The following ARHGAP1 variants were observed in gnomAD, a reference collection of about 807,000 sequenced individuals.
The protein encoded by ARHGAP1 is rho GTPase-activating protein 1.
Under a neutral mutation model 52.2 loss-of-function variants are expected in ARHGAP1, and 23 were observed. That is an observed-to-expected ratio of 0.44 (90% CI 0.32 to 0.62). The LOEUF is 0.62. ARHGAP1 is among the 20% of genes least tolerant of loss of function. The pLI, the probability that ARHGAP1 is intolerant of heterozygous loss-of-function variation, is 0.05. For synonymous variants in ARHGAP1, 210 were observed against 228.4 expected (o/e 0.92, Z 0.73); for missense variants, 480 against 560.9 (o/e 0.86, Z 1.46).
chr11:46,681,996 C>T lies in ARHGAP1; in HGVS notation c.449+55G>A. 6.2e-7 allele frequency: 1 copy of T among 1,606,778 alleles called. No homozygotes were observed. Among genetic ancestry groups the T allele is most frequent in the Non-Finnish European group, 8.5e-7 (1 of 1,175,772 alleles). On this transcript the variant is annotated intron_variant, in intron 5 of 12. Transcript: ENST00000311956. This position sits in a 1 kb window ranked among gnomAD's most constrained non-coding sequence, Gnocchi z 5.7. Reference sequence around the variant, plus strand: ...GCCCAAGTGGAGGGCAGCCCGGAAGCTGGCAGAGCCGCTGCCTCTGGATCT... The same window carrying T: ...GCCCAAGTGGAGGGCAGCCCGGAAGTTGGCAGAGCCGCTGCCTCTGGATCT...
Position 46,680,948 on chromosome 11 carries a change from A to T in ARHGAP1, c.635+63T>A. ...CTGCCTAAGCCCCACGCGGTCTCTGAATCAGGACACACGTCCTCATTACCC... is the reference window on the plus strand; with the variant it reads ...CTGCCTAAGCCCCACGCGGTCTCTGTATCAGGACACACGTCCTCATTACCC... On this transcript the variant is annotated intron_variant, in intron 7 of 12. Coordinates refer to ENST00000311956, the MANE Select transcript of ARHGAP1 (RefSeq NM_004308.5). This position sits in a 1 kb window ranked among gnomAD's most constrained non-coding sequence, Gnocchi z 5.9. The T allele has an allele frequency of 6.7e-7, 1 of 1,484,382 alleles. No individual in the cohort carries two copies. The highest frequency in any genetic ancestry group is 9.4e-7 in the Non-Finnish European group (1 of 1,068,414). The allele number at this position is 1,484,382 out of a possible 1,614,324, so 92.0% of individuals were successfully genotyped here. A position where few individuals can be genotyped will look rare whatever the true frequency, so the allele number is the denominator to read the frequency against.
Position 46,682,740 on chromosome 11 carries a change from A to AGACCAG in ARHGAP1, c.318-564_318-559dup, listed in dbSNP as rs544805553. ...TCTTGAGCAGGAACTAGATGTCAGG[A>AGACCAG]GACCAGGACCCTAACCCGGGCCTGC... On this transcript the variant is annotated intron_variant, in intron 4 of 12. Coordinates refer to ENST00000311956, the MANE Select transcript of ARHGAP1 (RefSeq NM_004308.5). 1.4e-3 allele frequency among the ~76,000 whole-genome samples: 208 copies of AGACCAG among 152,332 alleles called. 3 individuals carry two copies. In the East Asian group the frequency reaches 0.031, roughly 23 times the overall value.
rs1282554278 is a variant in ARHGAP1 at position 46,681,808 on chromosome 11, A to G, written c.449+243T>C. ...GGGCCATCACTGTCTCATTTTACAG[A>G]TTAGAAAACAGGAGGCTCAAAGAGG... is the stretch of plus-strand genomic sequence containing the variant. On this transcript the variant is annotated intron_variant, in intron 5 of 12. Coordinates refer to ENST00000311956, the MANE Select transcript of ARHGAP1 (RefSeq NM_004308.5). This position sits in a 1 kb window ranked among gnomAD's most constrained non-coding sequence, Gnocchi z 5.7. 6.6e-6 allele frequency among the ~76,000 whole-genome samples: 1 copy of G among 152,200 alleles called. No individual in the cohort carries two copies. The highest frequency in any genetic ancestry group is 2.4e-5 in the African/African-American group (1 of 41,440).
intron 3 of ARHGAP1, among the ~76,000 whole-genome samples, chr11:46,692,057 G>A (rs1205201728): frequency 2.6e-5 from 4 of 152,216 alleles, no homozygotes; most frequent in Admixed American, 6.5e-5. Context: ...TGAAGGACCA[G>A]GTGGTACCTG....
chr11:46,694,032 A>C (rs1156407611), intron 3 of ARHGAP1, among the ~76,000 whole-genome samples: 1 of 152,010 alleles, frequency 6.6e-6, no homozygotes, highest in Non-Finnish European at 1.5e-5. Flanking sequence ...CCTTCCTACA[A>C]GGGCTTCTCC....
intron 1 of ARHGAP1, among the ~76,000 whole-genome samples, chr11:46,698,135 A>T (rs774691549): frequency 6.6e-6 from 1 of 152,228 alleles, no homozygotes; most frequent in East Asian, 1.9e-4. Flanking sequence ...ATGAGGTAGT[A>T]TGGAGAGCTG....
In ARHGAP1 at chr11:46,681,085, G is replaced by A. The variant is rs2064522917; in HGVS notation, c.561C>T (p.Phe187=). The part of the protein sequence containing the change: ...LISFKFGQKI[F]YVNYLSELSE... ...TCAGCTCGCTCAGGTAATTCACATA[G>A]AAGATCTTCTGCCCGAACTTGAAGC... Residue 187 remains phenylalanine, a synonymous_variant, in exon 7 of 13, where the codon TTC becomes TTT. Coordinates refer to ENST00000311956, the MANE Select transcript of ARHGAP1 (RefSeq NM_004308.5). This position sits in a 1 kb window ranked among gnomAD's most constrained non-coding sequence, Gnocchi z 5.7. 2 of 1,614,150 alleles carry A rather than the reference G, an allele frequency of 1.2e-6. No homozygotes were observed. The highest frequency in any genetic ancestry group is 1.7e-6 in the Non-Finnish European group (2 of 1,180,032).
intron 4 of ARHGAP1, among the ~76,000 whole-genome samples, chr11:46,683,132 AG>A (rs35885196): frequency 0.12 from 17,390 of 140,162 alleles, 1,804 homozygotes; most frequent in East Asian, 0.57. Context: ...TTGACCTCCC[AG>A]GCTTAAGCTA....
intron 2 of ARHGAP1, 34 bp from the exon 3 acceptor site, chr11:46,695,789 G>C: frequency 1.3e-6 from 2 of 1,553,666 alleles, no homozygotes; most frequent in Non-Finnish European, 1.7e-6. Context: ...GGACAAGCCA[G>C]GGGGCTGGCA....
Position 46,681,170 on chromosome 11 carries a change from C to T in ARHGAP1, c.537-61G>A, listed in dbSNP as rs575119488. The T allele has an allele frequency of 1.9e-6, 3 of 1,547,596 alleles. No homozygotes were observed. In the African/African-American group the frequency reaches 4.1e-5, roughly 21 times the overall value. On this transcript the variant is annotated intron_variant, in intron 6 of 12. Transcript: ENST00000311956. The surrounding 1 kb of genome is among the most constrained non-coding windows in gnomAD (Gnocchi z 5.7). ...CCGCTTCCGGTGGCCTCCACTCTCC[C>T]CTCAACACCCACCCAGTTCAGACGG...
chr11:46,684,678 C>T (rs988756129), intron 4 of ARHGAP1, among the ~76,000 whole-genome samples: 1 of 152,194 alleles, frequency 6.6e-6, no homozygotes, highest in Non-Finnish European at 1.5e-5. Flanking sequence ...TTTGAAAATT[C>T]ACACAGTACG....
In ARHGAP1 at chr11:46,695,682, C is replaced by G. The variant is rs1565690647; in HGVS notation, c.207G>C (p.Arg69=). ...TACCTGCCACCTCCACGATCTGGTG[C>G]CGGGCGATGTCATAGTATGGGTCAT... ...KWDDPYYDIA[R]HQIVEVAGDD... Residue 69 remains arginine (R), a synonymous_variant, in exon 3 of 13, where the codon CGG becomes CGC. Transcript: ENST00000311956. 5.2e-6 allele frequency: 8 copies of G among 1,551,868 alleles called. No homozygotes were observed. Among genetic ancestry groups the G allele is most frequent in the Non-Finnish European group, 6.1e-6 (7 of 1,147,044 alleles).
rs1031779163 is a variant in ARHGAP1, at chr11:46,683,854, G to A, written c.318-1672C>T. ...GGGGTTTCTCCATGTTCGTCAGGCT[G>A]GTCTCCAACTCCCAACCTCAGGTGA... On this transcript the variant is annotated intron_variant, in intron 4 of 12. Coordinates refer to ENST00000311956, the MANE Select transcript of ARHGAP1 (RefSeq NM_004308.5). 6.6e-5 allele frequency among the ~76,000 whole-genome samples: 10 copies of A among 152,150 alleles called. No individual in the cohort carries two copies. In the East Asian group the frequency reaches 1.7e-3, roughly 26 times the overall value.
chr11:46,694,446 C>T lies in ARHGAP1; in HGVS notation c.229+1214G>A, dbSNP rs183671215. ...GGACGGACACCTACCTGGCTGGGCCCCCTCAGGCTCATCGTAGTCTAGGGA... is the reference window on the plus strand; with the variant it reads ...GGACGGACACCTACCTGGCTGGGCCTCCTCAGGCTCATCGTAGTCTAGGGA... On this transcript the variant is annotated intron_variant, in intron 3 of 12. Coordinates refer to ENST00000311956, the MANE Select transcript of ARHGAP1 (RefSeq NM_004308.5). 4.2e-3 allele frequency among the ~76,000 whole-genome samples: 634 copies of T among 152,196 alleles called. 3 individuals are homozygous for T. The highest frequency in any genetic ancestry group is 0.013 in the African/African-American group (532 of 41,530).
intron 1 of ARHGAP1, among the ~76,000 whole-genome samples, chr11:46,699,192 A>G (rs1025097375): frequency 2.6e-5 from 4 of 152,228 alleles, no homozygotes; most frequent in Non-Finnish European, 5.9e-5. Context: ...ACCTTCTGAG[A>G]ATCACTGTTT....
chr11:46,679,535 G>A lies in ARHGAP1; in HGVS notation c.1028-67C>T. 6.2e-7 allele frequency: 1 copy of A among 1,606,406 alleles called. No homozygotes were observed. The highest frequency in any genetic ancestry group is 8.5e-7 in the Non-Finnish European group (1 of 1,174,568). On this transcript the variant is annotated intron_variant, in intron 11 of 12. Transcript: ENST00000311956. The surrounding 1 kb of genome is among the most constrained non-coding windows in gnomAD (Gnocchi z 4.4). ...GGCTGGTTCAGGACGCTCTGATGCA[G>A]GCTAGAGGGGAGACCCCCAGCAGTC...
chr11:46,680,848 A>C lies in ARHGAP1; in HGVS notation c.636-101T>G. On this transcript the variant is annotated intron_variant, in intron 7 of 12. Transcript: ENST00000311956. This position sits in a 1 kb window ranked among gnomAD's most constrained non-coding sequence, Gnocchi z 5.9. ...CACGCGGGGTCAGGAGGATCATCTC[A>C]TGCGATCTCTGTAACAACTCCGCTT... is the stretch of plus-strand genomic sequence containing the variant. 9.2e-7 allele frequency: 1 copy of C among 1,088,770 alleles called. No individual in the cohort carries two copies. Among genetic ancestry groups the C allele is most frequent in the African/African-American group, 1.6e-5 (1 of 63,834 alleles). 67.4% of individuals were successfully genotyped at this position (1,088,770 alleles called of 1,614,324 possible). A position where few individuals can be genotyped will look rare whatever the true frequency, so the allele number is the denominator to read the frequency against.
At chr11:46,695,916 G>A in intron 2 of ARHGAP1, 59 bp downstream of exon 2, 1 of 1,612,380 alleles carries the variant, frequency 6.2e-7, no homozygotes, top group South Asian at 1.1e-5. Context: ...CCCTTCAGCA[G>A]AAGGAGTGCT....
rs1356726204 is a variant in ARHGAP1 at position 46,680,792 on chromosome 11, A to T, written c.636-45T>A. The T allele has an allele frequency of 3.6e-6, 5 of 1,404,118 alleles. No individual in the cohort carries two copies. The African/African-American group carries it at 7.2e-5, about 20-fold the overall frequency. 87.0% of individuals were successfully genotyped at this position (1,404,118 alleles called of 1,614,324 possible). A position where few individuals can be genotyped will look rare whatever the true frequency, so the allele number is the denominator to read the frequency against. On this transcript the variant is annotated intron_variant, in intron 7 of 12. Coordinates refer to ENST00000311956, the MANE Select transcript of ARHGAP1 (RefSeq NM_004308.5). This position sits in a 1 kb window ranked among gnomAD's most constrained non-coding sequence, Gnocchi z 5.9. ...TGGGTCAGGTCCTGCCTGGCTCTGGAGTCACTCTGCCAATTCAATCAAGCA... is the reference window on the plus strand; with the variant it reads ...TGGGTCAGGTCCTGCCTGGCTCTGGTGTCACTCTGCCAATTCAATCAAGCA...
Sources: allele counts gnomAD v4.1 joint callset (sites outside exome capture counted in the v4.1 genomes callset), GRCh38; gene constraint gnomAD v4.1.1; non-coding constraint Gnocchi (gnomAD v3.1); transcripts MANE v1.5; gene names NCBI Gene and HGNC (gene_info 2026-07-23, HGNC 2026-07-21).